The following CDK14 variants were observed in gnomAD, a reference collection of about 807,000 sequenced individuals.
CDK14 encodes the protein cyclin-dependent kinase 14.
Under a neutral mutation model 60.7 loss-of-function variants are expected in CDK14, and 34 were observed. That is an observed-to-expected ratio of 0.56 (90% confidence interval 0.43 to 0.75). The LOEUF (loss-of-function observed/expected upper bound fraction) is 0.75, where lower values mean the gene tolerates loss of function less well. CDK14 is among the 30% of genes least tolerant of loss of function. The pLI, the probability that CDK14 is intolerant of heterozygous loss-of-function variation, is 0.00. For missense variants in CDK14, 482 were observed against 564.1 expected (o/e 0.85, Z 1.47); for synonymous variants, 197 against 203.7 (o/e 0.97, Z 0.28).
intron 11 of CDK14, among the ~76,000 whole-genome samples, chr7:91,053,511 C>A (rs1290229221): frequency 6.6e-6 from 1 of 152,194 alleles, no homozygotes; most frequent in Non-Finnish European, 1.5e-5. Flanking sequence ...CTTGTACATA[C>A]CAGATCCACC....
At chr7:90,956,111 T>C (rs1054145316) in intron 9 of CDK14, among the ~76,000 whole-genome samples, 4 of 152,148 alleles carry the variant, frequency 2.6e-5, no homozygotes, top group East Asian at 1.9e-4. Context: ...CTGTATCTTA[T>C]AACAAGGGAA....
At chr7:91,174,159 G>A (rs1454658731) in intron 14 of CDK14, among the ~76,000 whole-genome samples, 284 of 152,080 alleles carry the variant, frequency 1.9e-3, no homozygotes, top group Non-Finnish European at 2.3e-3. Context: ...CCTGACCCCT[G>A]AGCAGCCTAA....
intron 2 of CDK14, among the ~76,000 whole-genome samples, chr7:90,614,639 C>T (rs893756378): frequency 3.3e-5 from 5 of 151,764 alleles, no homozygotes; most frequent in Non-Finnish European, 7.4e-5. Context: ...AAAAAGATGG[C>T]ATCTCATTGT....
chr7:90,845,502 T>C lies in CDK14; in HGVS notation c.545-17673T>C, dbSNP rs538732364. Among the ~76,000 whole-genome samples the C allele has an allele frequency of 2.7e-3, 415 of 152,076 alleles. 2 individuals are homozygous for C. Among genetic ancestry groups the C allele is most frequent in the Non-Finnish European group, 5.0e-3 (339 of 67,954 alleles). On this transcript the variant is annotated intron_variant, in intron 5 of 14. Coordinates refer to ENST00000380050, the MANE Select transcript of CDK14 (RefSeq NM_001287135.2). The stretch of plus-strand genomic sequence containing the variant: ...ATTACTCTTGTTTTGGTTTTCTTTT[T>C]TTTTTTTTAAGATGAAGTGGTAGTT...
chr7:90,694,153 A>T (rs922392470), intron 2 of CDK14, among the ~76,000 whole-genome samples: 1 of 152,162 alleles, frequency 6.6e-6, no homozygotes, highest in African/African-American at 2.4e-5. Context: ...ACTGTGCCTG[A>T]TGTGTAGGTG....
chr7:90,951,362 G>C (rs1358053972), intron 8 of CDK14, among the ~76,000 whole-genome samples: 1 of 151,952 alleles, frequency 6.6e-6, no homozygotes, highest in Non-Finnish European at 1.5e-5. Context: ...ACAAAGCTTT[G>C]GCCCATTTTC....
intron 5 of CDK14, among the ~76,000 whole-genome samples, chr7:90,794,154 G>A (rs1473699016): frequency 2.0e-5 from 3 of 152,118 alleles, no homozygotes; most frequent in Non-Finnish European, 2.9e-5. Context: ...TTTTCAAAAG[G>A]GGAGGGAGTG....
chr7:90,911,669 A>G (rs780466754), intron 7 of CDK14, among the ~76,000 whole-genome samples: 4 of 152,142 alleles, frequency 2.6e-5, no homozygotes, highest in Non-Finnish European at 5.9e-5. Flanking sequence ...GAAAAAGAGC[A>G]TCTGACCTCA....
intron 2 of CDK14, among the ~76,000 whole-genome samples, chr7:90,703,014 G>GTTGT (rs1801821320): frequency 6.8e-6 from 1 of 147,528 alleles, no homozygotes. Flanking sequence ...TGTTGTTGTT[G>GTTGT]TTTTGTTTTT....
At chr7:91,016,551 C>G (rs989138530) in intron 10 of CDK14, among the ~76,000 whole-genome samples, 3 of 152,168 alleles carry the variant, frequency 2.0e-5, no homozygotes, top group African/African-American at 7.2e-5. Flanking sequence ...AACTACCCCT[C>G]CTCAGCCCAC....
At chr7:90,635,454 T>C (rs370569506) in intron 2 of CDK14, among the ~76,000 whole-genome samples, 2 of 152,094 alleles carry the variant, frequency 1.3e-5, no homozygotes, top group African/African-American at 2.4e-5. Flanking sequence ...AGATATGTGG[T>C]GTTATTTCTG....
At chr7:90,656,386 T>TC (rs1419602025) in intron 2 of CDK14, among the ~76,000 whole-genome samples, 13 of 150,456 alleles carry the variant, frequency 8.6e-5, no homozygotes, top group Admixed American at 6.0e-4. Flanking sequence ...TTTCTTTCTT[T>TC]TTTTTTTTTT....
intron 3 of CDK14, among the ~76,000 whole-genome samples, chr7:90,731,733 AT>A (rs1802873814): frequency 6.6e-6 from 1 of 152,048 alleles, no homozygotes; most frequent in African/African-American, 2.4e-5. Flanking sequence ...GCTTAAGGAG[AT>A]TTTGGGCTGA....
At chr7:90,932,190 A>G (rs939146331) in intron 8 of CDK14, among the ~76,000 whole-genome samples, 1 of 152,088 alleles carries the variant, frequency 6.6e-6, no homozygotes, top group Non-Finnish European at 1.5e-5. Flanking sequence ...GCTTCTGTGA[A>G]TCTGAAAAGT....
At chr7:90,684,074 A>G (rs1801381186) in intron 2 of CDK14, among the ~76,000 whole-genome samples, 1 of 152,214 alleles carries the variant, frequency 6.6e-6, no homozygotes, top group Non-Finnish European at 1.5e-5. Flanking sequence ...CCATGGTAAG[A>G]ACCCTAACTT....
intron 11 of CDK14, among the ~76,000 whole-genome samples, chr7:91,068,732 T>C (rs1707444836): frequency 6.6e-6 from 1 of 151,426 alleles, no homozygotes; most frequent in African/African-American, 2.4e-5. Flanking sequence ...TAATAACCTT[T>C]TGTTGGGCTC....
intron 12 of CDK14, among the ~76,000 whole-genome samples, chr7:91,106,597 TATG>T: frequency 6.6e-6 from 1 of 152,288 alleles, no homozygotes; most frequent in African/African-American, 2.4e-5. Flanking sequence ...TAGACAATAA[TATG>T]ATAGATGAGA....
At chr7:90,923,067 G>C (rs1450902580) in intron 8 of CDK14, among the ~76,000 whole-genome samples, 1 of 149,702 alleles carries the variant, frequency 6.7e-6, no homozygotes, top group African/African-American at 2.5e-5. Context: ...TAGTGTCATT[G>C]ATATAGTATC....
rs151100522 is a variant in CDK14 at position 90,949,658 on chromosome 7, G to A, written c.827-6039G>A. Among the ~76,000 whole-genome samples the A allele has an allele frequency of 3.5e-3, 533 of 152,102 alleles. 2 individuals carry two copies. Among genetic ancestry groups the A allele is most frequent in the African/African-American group, 0.012 (511 of 41,506 alleles). ...CTGGACTTAATTCCTTTTTATTTAT[G>A]TTCAAAGAATACCCTTATTCAGTAG... is the stretch of plus-strand genomic sequence containing the variant. On this transcript the variant is annotated intron_variant, in intron 8 of 14. Coordinates refer to ENST00000380050, the MANE Select transcript of CDK14 (RefSeq NM_001287135.2).
Sources: gnomAD v4.1 joint callset for allele counts (sites outside exome capture counted in the v4.1 genomes callset) on GRCh38, gnomAD v4.1.1 for gene constraint, MANE v1.5 for transcripts, NCBI Gene and HGNC (gene_info 2026-07-23, HGNC 2026-07-21) for gene names.